Variants in APLP2 observed in about 807,000 individuals in gnomAD.
The protein encoded by APLP2 is amyloid beta precursor like protein 2.
In APLP2, 53 loss-of-function variants were observed where a neutral mutation model predicts 89.9. The observed-to-expected ratio is 0.59, with a 90% confidence interval of 0.47 to 0.74. APLP2 has a LOEUF of 0.74. Among genes scored for constraint, APLP2 ranks in the 30% least tolerant of loss-of-function variants. The probability of loss-of-function intolerance (pLI) is 0.00; values close to 1 mark genes in which losing one functional copy is unlikely to be tolerated. For missense variants in APLP2, 973 were observed against 975.9 expected (o/e 1.00, Z 0.04); for synonymous variants, 372 against 348.6 (o/e 1.07, Z -0.75).
chr11:130,138,000 G>A (rs1298263571), intron 13 of APLP2, among the ~76,000 whole-genome samples: 1 of 152,178 alleles, frequency 6.6e-6, no homozygotes, highest in Non-Finnish European at 1.5e-5. Context: ...AGAAGTTTCT[G>A]AGATGACGTG....
At chr11:130,091,048 C>A (rs1944988058) in intron 1 of APLP2, among the ~76,000 whole-genome samples, 2 of 148,644 alleles carry the variant, frequency 1.3e-5, no homozygotes, top group Non-Finnish European at 3.0e-5. Flanking sequence ...GGGGCCGACA[C>A]CCCCACCTCC....
At chr11:130,075,090 T>C (rs1941870770) in intron 1 of APLP2, among the ~76,000 whole-genome samples, 1 of 152,258 alleles carries the variant, frequency 6.6e-6, no homozygotes. Flanking sequence ...TTGTGTCAAG[T>C]ACAACTAATA....
At chr11:130,083,021 C>CTTTTTTTTTTTTTTTTTTTTT (rs1469566240) in intron 1 of APLP2, among the ~76,000 whole-genome samples, 1 of 79,980 alleles carries the variant, frequency 1.3e-5, no homozygotes, top group African/African-American at 5.1e-5. Flanking sequence ...TGAAACTTTT[C>CTTTTTTTTTTTTTTTTTTTTT]TTTTCTTTTT....
At position 130,129,153 on chromosome 11, in the gene APLP2, C is replaced by T. The variant is rs199824852; in HGVS notation, c.1402C>T (p.Arg468Cys). ...AGTGGAAGCTATGCTGAATGACCGC[C>T]GTCGGATGGCTCTGGAGAACTACCT... ...ARVEAMLNDR[R>C]RMALENYLAA... The change falls in exon 10 of 17, where the codon CGT (arginine) becomes TGT (cysteine). Residue 468 changes from arginine to cysteine, a missense_variant. Arg to Cys is a radical substitution (Grantham distance 180). Coordinates refer to ENST00000338167, the MANE Select transcript of APLP2 (RefSeq NM_001142276.2). 3.0e-5 allele frequency: 48 copies of T among 1,614,186 alleles called. No individual in the cohort carries two copies. Among genetic ancestry groups the T allele is most frequent in the East Asian group, 8.9e-5 (4 of 44,878 alleles).
intron 16 of APLP2, among the ~76,000 whole-genome samples, chr11:130,142,401 A>G (rs1380481883): frequency 2.6e-5 from 4 of 151,930 alleles, no homozygotes; most frequent in Admixed American, 2.6e-4. Context: ...TAATGGGGGA[A>G]AGGAGCAACA....
intron 1 of APLP2, among the ~76,000 whole-genome samples, chr11:130,106,807 G>T (rs1163604284): frequency 6.6e-6 from 1 of 152,014 alleles, no homozygotes; most frequent in Non-Finnish European, 1.5e-5. Flanking sequence ...TCCTGCCTCA[G>T]CCCCCTGAGT....
At chr11:130,081,153 G>T (rs770814636) in intron 1 of APLP2, among the ~76,000 whole-genome samples, 1 of 151,862 alleles carries the variant, frequency 6.6e-6, no homozygotes, top group South Asian at 2.1e-4. Flanking sequence ...TGTATAACCC[G>T]TTTTTTCCTT....
chr11:130,126,768 C>A lies in APLP2; in HGVS notation c.1159C>A (p.His387Asn). 6.2e-7 allele frequency: 1 copy of A among 1,614,224 alleles called. No individual in the cohort carries two copies. The highest frequency in any genetic ancestry group is 8.5e-7 in the Non-Finnish European group (1 of 1,180,042). Reference sequence around the variant, plus strand: ...CGAGACCTCTGCAGATGATAATGAGCATGCTCGCTTCCAGAAGGCTAAGGA... The same window carrying A: ...CGAGACCTCTGCAGATGATAATGAGAATGCTCGCTTCCAGAAGGCTAAGGA... ...YFETSADDNEHARFQKAKEQL... is the reference protein window; with the variant it reads ...YFETSADDNENARFQKAKEQL... Residue 387 changes from histidine (H) to asparagine (N), a missense_variant, in exon 8 of 17, where the codon CAT becomes AAT. Coordinates refer to ENST00000338167, the MANE Select transcript of APLP2 (RefSeq NM_001142276.2).
At chr11:130,088,683 AAAAAT>A (rs1279824955) in intron 1 of APLP2, among the ~76,000 whole-genome samples, 18 of 152,168 alleles carry the variant, frequency 1.2e-4, no homozygotes, top group Non-Finnish European at 2.4e-4. Flanking sequence ...AAATAATATG[AAAAAT>A]AAAATAAAAT....
intron 1 of APLP2, among the ~76,000 whole-genome samples, chr11:130,096,720 A>G (rs1428805686): frequency 1.3e-5 from 2 of 152,146 alleles, no homozygotes; most frequent in Non-Finnish European, 2.9e-5. Context: ...CCTGTCTCTA[A>G]AAAATACCAA....
chr11:130,081,925 A>G (rs1943218027), intron 1 of APLP2, among the ~76,000 whole-genome samples: 2 of 152,228 alleles, frequency 1.3e-5, no homozygotes. Flanking sequence ...TTGATCTAAA[A>G]TGGAAGACTT....
chr11:130,128,902 C>G (rs1248715869), intron 9 of APLP2, 146 bp from the exon 10 acceptor site: 1 of 810,220 alleles, frequency 1.2e-6, no homozygotes, highest in Non-Finnish European at 1.9e-6. Flanking sequence ...ATGAAGTAGA[C>G]TTTGGATCTT....
intron 1 of APLP2, chr11:130,108,505 G>A (rs543410149): frequency 6.6e-6 from 1 of 152,336 alleles, no homozygotes; most frequent in South Asian, 2.1e-4. Context: ...ACCACAATGA[G>A]ATACCATCTC....
At chr11:130,099,969 A>G (rs1215923018) in intron 1 of APLP2, among the ~76,000 whole-genome samples, 2 of 152,206 alleles carry the variant, frequency 1.3e-5, no homozygotes, top group East Asian at 3.8e-4. Context: ...CGGTATGTTA[A>G]TAACCCTGTT....
intron 4 of APLP2, 92 bp from the exon 5 acceptor site, chr11:130,121,522 A>G: frequency 1.4e-6 from 2 of 1,394,362 alleles, no homozygotes; most frequent in Non-Finnish European, 1.9e-6. Context: ...AAGTGATTTG[A>G]TAAGGGTTTA....
intron 14 of APLP2, chr11:130,140,769 A>G (rs1952267998): frequency 4.5e-6 from 1 of 219,940 alleles, no homozygotes; most frequent in East Asian, 1.1e-4. Context: ...TTTTCAAGTG[A>G]GTAGAGAGTT....
chr11:130,135,248 T>C (rs1259229824), intron 12 of APLP2, among the ~76,000 whole-genome samples: 2 of 152,198 alleles, frequency 1.3e-5, no homozygotes, highest in Admixed American at 6.5e-5. Context: ...TGCTTGACTA[T>C]GGAAATCATT....
At chr11:130,100,286 A>G (rs1946731365) in intron 1 of APLP2, 1 of 152,162 alleles carries the variant, frequency 6.6e-6, no homozygotes, top group South Asian at 2.1e-4. Flanking sequence ...AGTGAGTAGA[A>G]GAGTAATGGT....
rs753089109 is a variant in APLP2, at chr11:130,142,031, T to C, written c.2111T>C (p.Leu704Pro). Residue 704 changes from leucine to proline, a missense_variant, in exon 16 of 17, where the codon CTG (leucine) becomes CCG (proline). Physicochemically the swap from Leu to Pro is moderately conservative, Grantham distance 98. Coordinates refer to ENST00000338167, the MANE Select transcript of APLP2 (RefSeq NM_001142276.2). ...GTCATCGTCATCAGCCTGGTGATGC[T>C]GAGGAAGAGGCAGTATGGCACCATC... The part of the protein sequence containing the change: ...ATVIVISLVM[L>P]RKRQYGTISH... The C allele has an allele frequency of 3.1e-6, 5 of 1,613,758 alleles. No individual in the cohort carries two copies. In the Admixed American group the frequency reaches 6.7e-5, roughly 22 times the overall value.
Sources: gnomAD v4.1 joint callset for allele counts (sites outside exome capture counted in the v4.1 genomes callset) on GRCh38, gnomAD v4.1.1 for gene constraint, MANE v1.5 for transcripts, NCBI Gene and HGNC (gene_info 2026-07-23, HGNC 2026-07-21) for gene names.